Variants in CFTR observed in about 807,000 individuals in gnomAD.
The protein encoded by CFTR is cystic fibrosis transmembrane conductance regulator.
A neutral mutation model predicts 171.6 loss-of-function variants in CFTR; 181 were observed. The ratio of observed to expected loss-of-function variants is 1.05; its 90% CI spans 0.93 to 1.19. CFTR has a LOEUF of 1.19. CFTR is among the 50% of genes most tolerant of loss of function. The pLI is 0.00. For missense variants in CFTR, 1,968 were observed against 1,734.7 expected, an observed-to-expected ratio of 1.13 and a Z score of -2.39; for synonymous variants, 583 against 608.0, an observed-to-expected ratio of 0.96 and a Z score of 0.60.
At chr7:117,621,929 AT>A (rs1252129450) in intron 21 of CFTR, among the ~76,000 whole-genome samples, 1 of 152,200 alleles carries the variant, frequency 6.6e-6, no homozygotes, top group Non-Finnish European at 1.5e-5. Context: ...GTTCTTAGTT[AT>A]TGAAATGGGC....
chr7:117,535,511 T>C, intron 6 of CFTR, 100 bp downstream of exon 6: 2 of 905,136 alleles, frequency 2.2e-6, no homozygotes, highest in East Asian at 5.2e-5. Context: ...AACAGTGATC[T>C]TCAGTGTCAT....
intron 21 of CFTR, among the ~76,000 whole-genome samples, chr7:117,626,640 T>C (rs750928822): frequency 6.6e-6 from 1 of 152,080 alleles, no homozygotes; most frequent in Non-Finnish European, 1.5e-5. Context: ...TTTTATTCAT[T>C]TATATTTATT....
At chr7:117,545,169 T>A (rs936910392) in intron 9 of CFTR, among the ~76,000 whole-genome samples, 1 of 152,216 alleles carries the variant, frequency 6.6e-6, no homozygotes, top group Non-Finnish European at 1.5e-5. Context: ...ATAGAACTTG[T>A]GCAGGGAAAC....
At chr7:117,602,934 T>C in intron 16 of CFTR, 71 bp downstream of exon 16, 1 of 1,263,386 alleles carries the variant, frequency 7.9e-7, no homozygotes, top group Non-Finnish European at 1.2e-6. Flanking sequence ...ATCCACTATG[T>C]TTGTATGTAT....
At chr7:117,487,458 A>T (rs1798092759) in intron 1 of CFTR, among the ~76,000 whole-genome samples, 1 of 152,104 alleles carries the variant, frequency 6.6e-6, no homozygotes, top group Admixed American at 6.5e-5. Flanking sequence ...ACATCACGGG[A>T]CACAACATAT....
chr7:117,590,281 A>G, intron 12 of CFTR, 72 bp from the exon 13 acceptor site: 1 of 1,559,764 alleles, frequency 6.4e-7, no homozygotes, highest in Non-Finnish European at 8.8e-7. Context: ...TGAACTGTTT[A>G]AGGCAAATCA....
chr7:117,499,429 C>CTG (rs56985019), intron 1 of CFTR, among the ~76,000 whole-genome samples: 7,415 of 135,834 alleles, frequency 0.055, 228 homozygotes, highest in South Asian at 0.14. Context: ...ATAGTTTCAT[C>CTG]TGTGTGTGTG....
In CFTR at chr7:117,620,904, G is replaced by A. The variant is rs1055056952; in HGVS notation, c.3468+6191G>A. On this transcript the variant is annotated intron_variant, in intron 21 of 26. Coordinates refer to ENST00000003084, the MANE Select transcript of CFTR (RefSeq NM_000492.4). ...GGTGGATCACTTGAGAATAGGAGTT[G>A]AAGACCAAGCTGGTCAACATGGCAA... Among the ~76,000 whole-genome samples, 10 of 152,002 alleles carry A rather than the reference G, an allele frequency of 6.6e-5. No individual in the cohort carries two copies. The East Asian group carries it at 1.9e-3, about 29-fold the overall frequency.
intron 3 of CFTR, among the ~76,000 whole-genome samples, chr7:117,512,589 G>T (rs996951434): frequency 7.3e-6 from 1 of 137,058 alleles, no homozygotes; most frequent in Non-Finnish European, 1.5e-5. Flanking sequence ...AGCTGAGATC[G>T]CACCACTGCA....
chr7:117,633,323 A>T (rs1222926374), intron 22 of CFTR, among the ~76,000 whole-genome samples: 1 of 152,050 alleles, frequency 6.6e-6, no homozygotes, highest in Admixed American at 6.6e-5. Flanking sequence ...CATTGCTGTT[A>T]TATAGGAAAA....
intron 19 of CFTR, 114 bp downstream of exon 19, chr7:117,610,783 T>C (rs1340164118): frequency 9.1e-7 from 1 of 1,099,680 alleles, no homozygotes; most frequent in Non-Finnish European, 1.3e-6. Flanking sequence ...TTACATCATA[T>C]AACAATAATT....
intron 24 of CFTR, 75 bp from the exon 25 acceptor site, chr7:117,664,613 G>A: frequency 7.4e-7 from 1 of 1,345,206 alleles, no homozygotes; most frequent in East Asian, 2.3e-5. Flanking sequence ...CAGAACTCCT[G>A]TGTTTATTTT....
At chr7:117,550,545 A>G (rs1157450401) in intron 10 of CFTR, among the ~76,000 whole-genome samples, 2 of 152,246 alleles carry the variant, frequency 1.3e-5, no homozygotes, top group Non-Finnish European at 2.9e-5. Context: ...AAATTATACT[A>G]TAGGAGGGGC....
chr7:117,553,775 A>G (rs1799308741), intron 10 of CFTR, among the ~76,000 whole-genome samples: 1 of 152,208 alleles, frequency 6.6e-6, no homozygotes, highest in Non-Finnish European at 1.5e-5. Flanking sequence ...GATTGAATAG[A>G]TATCTCATCA....
rs397508298 is a variant in CFTR, at chr7:117,590,442, A to C, written c.1766+3A>C. 6.3e-7 allele frequency: 1 copy of C among 1,599,550 alleles called. No individual in the cohort carries two copies. The stretch of plus-strand genomic sequence containing the variant: ...ACAGAAAAAGAAATATTTGAAAGGT[A>C]TGTTCTTTGAATACCTTACTTATAA... On this transcript the variant is annotated splice_donor_region_variant and intron_variant, in intron 13 of 26. Coordinates refer to ENST00000003084, the MANE Select transcript of CFTR (RefSeq NM_000492.4).
rs1226880376 is a variant in CFTR at position 117,590,354 on chromosome 7, G to A, written c.1681G>A (p.Ala561Thr). ...GQRARISLARAVYKDADLYLL... is the reference protein window; with the variant it reads ...GQRARISLARTVYKDADLYLL... ...ATTTAATTTCCATTTTCTTTTTAGA[G>A]CAGTATACAAAGATGCTGATTTGTA... is the stretch of plus-strand genomic sequence containing the variant. Residue 561 changes from alanine (A) to threonine (T), a missense_variant and splice_region_variant, in exon 13 of 27, where the codon GCA (alanine) becomes ACA (threonine). Coordinates refer to ENST00000003084, the MANE Select transcript of CFTR (RefSeq NM_000492.4). 5 of 1,602,254 alleles carry A rather than the reference G, an allele frequency of 3.1e-6. No individual in the cohort carries two copies. The highest frequency in any genetic ancestry group is 1.3e-5 in the African/African-American group (1 of 74,764).
chr7:117,599,510 T>G (rs1164525320), intron 15 of CFTR, among the ~76,000 whole-genome samples: 3 of 152,110 alleles, frequency 2.0e-5, no homozygotes, highest in African/African-American at 7.2e-5. Flanking sequence ...TATCTATTAT[T>G]TATTGAACTG....
intron 3 of CFTR, among the ~76,000 whole-genome samples, chr7:117,518,161 G>C (rs34035263): frequency 0.022 from 3,400 of 151,604 alleles, 188 homozygotes; most frequent in East Asian, 0.21. Flanking sequence ...AAAAGTAATT[G>C]TGGTTTTCAC....
chr7:117,568,921 A>C (rs778063664), intron 11 of CFTR, among the ~76,000 whole-genome samples: 5 of 152,170 alleles, frequency 3.3e-5, no homozygotes, highest in Non-Finnish European at 7.3e-5. Flanking sequence ...TCCCCATGCC[A>C]AGTTTCCATC....
Sources: allele counts gnomAD v4.1 joint callset (sites outside exome capture counted in the v4.1 genomes callset), GRCh38; gene constraint gnomAD v4.1.1; transcripts MANE v1.5; gene names NCBI Gene and HGNC (gene_info 2026-07-23, HGNC 2026-07-21).